Variants in FBXL17 observed in about 807,000 individuals in gnomAD.
The protein encoded by FBXL17 is F-box/LRR-repeat protein 17.
FBXL17 carries 22 observed loss-of-function variants against 66.2 expected under a neutral mutation model. The observed-to-expected ratio is 0.33, with a 90% CI of 0.24 to 0.47. The LOEUF (loss-of-function observed/expected upper bound fraction) is 0.47, where lower values mean the gene tolerates loss of function less well. Among genes scored for constraint, FBXL17 ranks in the 20% least tolerant of loss-of-function variants. The probability of loss-of-function intolerance (pLI) is 1.00; values close to 1 mark genes in which losing one functional copy is unlikely to be tolerated. For missense variants in FBXL17, 878 were observed against 948.2 expected, an observed-to-expected ratio of 0.93 and a Z score of 0.97; for synonymous variants, 474 against 400.5, an observed-to-expected ratio of 1.18 and a Z score of -2.19.
chr5:108,322,937 C>T (rs1759684874), intron 4 of FBXL17, among the ~76,000 whole-genome samples: 1 of 151,850 alleles, frequency 6.6e-6, no homozygotes, highest in Admixed American at 6.6e-5. Context: ...ATAATGTGTA[C>T]ATTGGATGTG....
At chr5:107,972,766 C>A (rs1752419920) in intron 7 of FBXL17, among the ~76,000 whole-genome samples, 1 of 152,156 alleles carries the variant, frequency 6.6e-6, no homozygotes, top group African/African-American at 2.4e-5. Flanking sequence ...TTTTACATCC[C>A]ATAAAGATTT....
intron 6 of FBXL17, among the ~76,000 whole-genome samples, chr5:108,076,828 T>C (rs2149914567): frequency 6.6e-6 from 1 of 152,316 alleles, no homozygotes; most frequent in East Asian, 1.9e-4. Flanking sequence ...ATCTACATAA[T>C]GAAGGCATTT....
Position 108,251,230 on chromosome 5 carries a change from C to T in FBXL17, c.1507-27002G>A, listed in dbSNP as rs77635802. On this transcript the variant is annotated intron_variant, in intron 4 of 8. Transcript: ENST00000542267. ...TGAAAAGAGTGTCCCTTGCTTCATGCTCCTGCCATCACCAGAAATTATCAA... is the reference window on the plus strand; with the variant it reads ...TGAAAAGAGTGTCCCTTGCTTCATGTTCCTGCCATCACCAGAAATTATCAA... Among the ~76,000 whole-genome samples, 76 of 152,104 alleles carry T rather than the reference C, an allele frequency of 5.0e-4. 2 individuals are homozygous for T. The East Asian group carries it at 0.014, about 29-fold the overall frequency.
chr5:108,247,929 C>T (rs1450235659), intron 4 of FBXL17, among the ~76,000 whole-genome samples: 1 of 152,274 alleles, frequency 6.6e-6, no homozygotes, highest in Non-Finnish European at 1.5e-5. Context: ...ATAAAACAAA[C>T]ACATGAAGAC....
chr5:107,922,531 CT>C, intron 7 of FBXL17, among the ~76,000 whole-genome samples: 1 of 152,260 alleles, frequency 6.6e-6, no homozygotes, highest in Middle Eastern at 3.4e-3. Context: ...AATGAGATAT[CT>C]TCAGCAATTG....
intron 4 of FBXL17, among the ~76,000 whole-genome samples, chr5:108,269,447 T>A (rs1757176234): frequency 6.6e-6 from 1 of 152,044 alleles, no homozygotes; most frequent in Non-Finnish European, 1.5e-5. Flanking sequence ...AAGAACTTAG[T>A]GGGAAGAATA....
At chr5:108,160,254 A>G (rs937971297) in intron 6 of FBXL17, among the ~76,000 whole-genome samples, 8 of 152,230 alleles carry the variant, frequency 5.3e-5, no homozygotes, top group African/African-American at 1.9e-4. Flanking sequence ...TAAGTGTACT[A>G]TAATACCACG....
Position 108,380,786 on chromosome 5 carries a change from C to T in FBXL17, c.906G>A (p.Glu302=). 3 of 1,248,260 alleles carry T rather than the reference C, an allele frequency of 2.4e-6. No homozygotes were observed. Among genetic ancestry groups the T allele is most frequent in the Non-Finnish European group, 3.0e-6 (3 of 988,224 alleles). The allele number at this position is 1,248,260 out of a possible 1,614,324, so 77.3% of individuals were successfully genotyped here. The change falls in exon 1 of 9, where the codon GAG becomes GAA. Residue 302 remains glutamate (E), a synonymous_variant. Coordinates refer to ENST00000542267, the MANE Select transcript of FBXL17 (RefSeq NM_001163315.3). The stretch of plus-strand genomic sequence containing the variant: ...GACAGTCGCAGGGGTTTTCGGGGGA[C>T]TCCCGACAGTCCGCGTCGCCACATT... The part of the protein sequence containing the change: ...QHECGDADCR[E]SPENPCDCHR...
intron 6 of FBXL17, among the ~76,000 whole-genome samples, chr5:108,040,599 T>G (rs1015257280): frequency 2.6e-5 from 4 of 152,210 alleles, no homozygotes; most frequent in Admixed American, 1.3e-4. Flanking sequence ...TCAAGAAATA[T>G]TGCTGGATTT....
intron 4 of FBXL17, among the ~76,000 whole-genome samples, chr5:108,317,690 A>ATACC (rs1759434965): frequency 6.6e-6 from 1 of 151,444 alleles, no homozygotes; most frequent in Non-Finnish European, 1.5e-5. Flanking sequence ...TGAAAAAGTT[A>ATACC]TACCAATAAG....
intron 7 of FBXL17, among the ~76,000 whole-genome samples, chr5:107,988,789 T>G (rs1051613149): frequency 7.8e-4 from 119 of 152,170 alleles, no homozygotes; most frequent in African/African-American, 2.8e-3. Flanking sequence ...TGATGTTTTG[T>G]TTAGCTTAAT....
At chr5:108,237,606 T>C (rs977877409) in intron 4 of FBXL17, among the ~76,000 whole-genome samples, 1 of 152,272 alleles carries the variant, frequency 6.6e-6, no homozygotes, top group Non-Finnish European at 1.5e-5. Flanking sequence ...GGTCCATGAC[T>C]GATGGAGTCA....
chr5:107,890,648 A>C (rs1325099432), intron 7 of FBXL17, among the ~76,000 whole-genome samples: 1 of 150,092 alleles, frequency 6.7e-6, no homozygotes, highest in East Asian at 1.9e-4. Context: ...TGGGAGAAAG[A>C]GTGAGACCTT....
intron 6 of FBXL17, among the ~76,000 whole-genome samples, chr5:108,165,117 A>C (rs1242403033): frequency 6.6e-6 from 1 of 152,224 alleles, no homozygotes; most frequent in Non-Finnish European, 1.5e-5. Context: ...TAGGAGTAAA[A>C]ATTGGAAATA....
intron 6 of FBXL17, among the ~76,000 whole-genome samples, chr5:108,174,367 T>C (rs1400412799): frequency 6.6e-6 from 1 of 152,216 alleles, no homozygotes; most frequent in African/African-American, 2.4e-5. Context: ...TTAATTATAT[T>C]GCTCACTAAT....
chr5:108,276,353 G>T (rs1297884692), intron 4 of FBXL17, among the ~76,000 whole-genome samples: 1 of 152,164 alleles, frequency 6.6e-6, no homozygotes, highest in African/African-American at 2.4e-5. Context: ...AATCCTTGCT[G>T]TGATGATTGA....
intron 6 of FBXL17, among the ~76,000 whole-genome samples, chr5:108,155,768 A>G (rs1215071055): frequency 6.6e-6 from 1 of 152,194 alleles, no homozygotes. Context: ...TTAGTCCTAG[A>G]ATAAATTATG....
intron 6 of FBXL17, among the ~76,000 whole-genome samples, chr5:108,184,596 C>T (rs942545183): frequency 7.9e-5 from 12 of 151,698 alleles, no homozygotes; most frequent in South Asian, 4.2e-4. Context: ...TGTGAGCCAC[C>T]GTGCCCAGCC....
intron 7 of FBXL17, among the ~76,000 whole-genome samples, chr5:107,984,895 G>A (rs1752959729): frequency 6.6e-6 from 1 of 152,174 alleles, no homozygotes; most frequent in African/African-American, 2.4e-5. Context: ...AAGGACAAGA[G>A]TATTTTTGTT....
Sources: gnomAD v4.1 joint callset for allele counts (sites outside exome capture counted in the v4.1 genomes callset) on GRCh38, gnomAD v4.1.1 for gene constraint, MANE v1.5 for transcripts, NCBI Gene and HGNC (gene_info 2026-07-23, HGNC 2026-07-21) for gene names.